The following PKHD1 variants were observed in gnomAD, a reference collection of about 807,000 sequenced individuals.
PKHD1 encodes the protein PKHD1 ciliary IPT domain containing fibrocystin/polyductin, also known as fibrocystin.
Under a neutral mutation model 412.0 loss-of-function variants are expected in PKHD1, and 291 were observed. The observed-to-expected ratio is 0.71, with a 90% CI of 0.64 to 0.78. The LOEUF is 0.78. PKHD1 is among the 30% of genes least tolerant of loss of function. The pLI, the probability that PKHD1 is intolerant of heterozygous loss-of-function variation, is 0.00. For synonymous variants in PKHD1, 1,777 were observed against 1,821.5 expected, an observed-to-expected ratio of 0.98 and a Z score of 0.62; for missense variants, 4,825 against 4,950.7, an observed-to-expected ratio of 0.97 and a Z score of 0.76.
intron 48 of PKHD1, among the ~76,000 whole-genome samples, chr6:51,858,587 A>G (rs1216032401): frequency 6.6e-6 from 1 of 152,138 alleles, no homozygotes; most frequent in African/African-American, 2.4e-5. Flanking sequence ...TCCAGTTTTT[A>G]CTGAGACATA....
intron 60 of PKHD1, among the ~76,000 whole-genome samples, chr6:51,680,417 G>A (rs2150560559): frequency 6.6e-6 from 1 of 152,012 alleles, no homozygotes; most frequent in African/African-American, 2.4e-5. Flanking sequence ...ATCATAAGTG[G>A]CCAAGTAACT....
rs1247376703 is a variant in PKHD1 at position 52,045,038 on chromosome 6, C to G, written c.2643G>C (p.Val881=). The change falls in exon 25 of 67, where the codon GTG becomes GTC. Residue 881 remains valine, a synonymous_variant. Coordinates refer to ENST00000371117, the MANE Select transcript of PKHD1 (RefSeq NM_138694.4). ...TGVNPAAATR[V]VYDGGVFLGP... is the part of the protein sequence containing the mutation. ...CAAGAAAAACTCCACCATCATATAC[C>G]ACACGCGTGGCTGCAGCAGGATTCA... The G allele has an allele frequency of 6.2e-7, 1 of 1,613,274 alleles. No individual in the cohort carries two copies. Among genetic ancestry groups the G allele is most frequent in the Non-Finnish European group, 8.5e-7 (1 of 1,179,284 alleles).
At chr6:51,754,320 A>G (rs1326039861) in intron 56 of PKHD1, among the ~76,000 whole-genome samples, 1 of 152,204 alleles carries the variant, frequency 6.6e-6, no homozygotes, top group Non-Finnish European at 1.5e-5. Context: ...TAGTTAATAC[A>G]TAAAATGTAC....
chr6:51,925,666 C>T (rs551048711), intron 37 of PKHD1, among the ~76,000 whole-genome samples: 2 of 152,252 alleles, frequency 1.3e-5, no homozygotes, highest in East Asian at 3.9e-4. Context: ...AGCATAGGTT[C>T]TTCTTGGATA....
chr6:51,799,976 A>G (rs959382656), intron 52 of PKHD1, among the ~76,000 whole-genome samples: 1 of 152,146 alleles, frequency 6.6e-6, no homozygotes, highest in Non-Finnish European at 1.5e-5. Context: ...TGACCAATCT[A>G]TCCTACTTGA....
chr6:51,927,777 C>T (rs932400016), intron 37 of PKHD1, among the ~76,000 whole-genome samples: 5 of 152,122 alleles, frequency 3.3e-5, no homozygotes, highest in Non-Finnish European at 7.4e-5. Flanking sequence ...AAACATCTTT[C>T]ATGTGGATTT....
chr6:51,670,933 G>T (rs1012420605), intron 60 of PKHD1, among the ~76,000 whole-genome samples: 45 of 151,940 alleles, frequency 3.0e-4, no homozygotes, highest in Admixed American at 2.7e-3. Context: ...AGTCTGATGG[G>T]CTTCCCTTTG....
At chr6:51,763,716 T>C (rs1788434341) in intron 55 of PKHD1, among the ~76,000 whole-genome samples, 1 of 152,030 alleles carries the variant, frequency 6.6e-6, no homozygotes, top group Non-Finnish European at 1.5e-5. Flanking sequence ...ATAGGGTTTA[T>C]CTCCTGCCTT....
intron 60 of PKHD1, among the ~76,000 whole-genome samples, chr6:51,694,706 T>C (rs1185911006): frequency 6.6e-6 from 1 of 151,984 alleles, no homozygotes; most frequent in Non-Finnish European, 1.5e-5. Flanking sequence ...TCCATATAGA[T>C]TTGTAAGTCG....
Position 51,867,914 on chromosome 6 carries a change from T to C in PKHD1, c.7682A>G (p.His2561Arg). 1.2e-6 allele frequency: 2 copies of C among 1,613,422 alleles called. No homozygotes were observed. The highest frequency in any genetic ancestry group is 1.7e-6 in the Non-Finnish European group (2 of 1,179,434). The change falls in exon 48 of 67, where the codon CAT (histidine) becomes CGT (arginine). Residue 2561 changes from histidine to arginine, a missense_variant. His to Arg is a conservative substitution (Grantham distance 29, BLOSUM62 0). Coordinates refer to ENST00000371117, the MANE Select transcript of PKHD1 (RefSeq NM_138694.4). ...LVNSSFGRVV[H>R]GSACGGGVLF... ...AACACCTCCTCCACAGGCACTGCCATGGACAACCCGACCAAAGCTTGAATT... is the reference window on the plus strand; with the variant it reads ...AACACCTCCTCCACAGGCACTGCCACGGACAACCCGACCAAAGCTTGAATT...
Position 52,025,662 on chromosome 6 carries a change from T to A in PKHD1, c.4148A>T (p.Gln1383Leu), listed in dbSNP as rs902337131. 10 of 1,614,072 alleles carry A rather than the reference T, an allele frequency of 6.2e-6. No individual in the cohort carries two copies. Among genetic ancestry groups the A allele is most frequent in the Non-Finnish European group, 2.5e-6 (3 of 1,180,034 alleles). The change falls in exon 32 of 67, where the codon CAG becomes CTG. Residue 1383 changes from glutamine to leucine, a missense_variant. Transcript: ENST00000371117. ...TATCCGAGGCATCACTGCAAATTGCTGGAGCACCACAGACATATTAGCAAA... is the reference window on the plus strand; with the variant it reads ...TATCCGAGGCATCACTGCAAATTGCAGGAGCACCACAGACATATTAGCAAA... ...MGFANMSVVL[Q>L]QFAVMPRIMA...
chr6:52,041,093 T>C (rs1336732718), intron 27 of PKHD1, among the ~76,000 whole-genome samples: 1 of 152,164 alleles, frequency 6.6e-6, no homozygotes, highest in East Asian at 1.9e-4. Context: ...CAAAAATGAA[T>C]GAAGAAAGTA....
chr6:52,070,368 G>A, intron 10 of PKHD1, 38 bp downstream of exon 10: 2 of 1,276,426 alleles, frequency 1.6e-6, no homozygotes, highest in Non-Finnish European at 2.3e-6. Flanking sequence ...AATATAAAAT[G>A]AAGACAAATT....
Position 52,028,044 on chromosome 6 carries a change from T to C in PKHD1, c.3560+112A>G. 2.4e-6 allele frequency: 3 copies of C among 1,256,590 alleles called. No individual in the cohort carries two copies. In the South Asian group the frequency reaches 3.6e-5, roughly 15 times the overall value. The allele number at this position is 1,256,590 out of a possible 1,614,324, so 77.8% of individuals were successfully genotyped here. On this transcript the variant is annotated intron_variant, in intron 30 of 66. Coordinates refer to ENST00000371117, the MANE Select transcript of PKHD1 (RefSeq NM_138694.4). Reference sequence around the variant, plus strand: ...TTCCAATGTTATGATGTTCATGTCTTTAACCTCTAACTTCCAAGGGAAAAA... The same window carrying C: ...TTCCAATGTTATGATGTTCATGTCTCTAACCTCTAACTTCCAAGGGAAAAA...
At chr6:52,086,117 ATGTGTGTG>A (rs1185806591) in intron 1 of PKHD1, among the ~76,000 whole-genome samples, 1 of 146,532 alleles carries the variant, frequency 6.8e-6, no homozygotes, top group African/African-American at 2.5e-5. Flanking sequence ...GTGTGTGTGT[ATGTGTGTG>A]TGTGTGGCAG....
intron 39 of PKHD1, among the ~76,000 whole-genome samples, chr6:51,910,929 A>C (rs1016818827): frequency 3.3e-5 from 5 of 152,040 alleles, no homozygotes; most frequent in Non-Finnish European, 5.9e-5. Context: ...GACACAACTC[A>C]AATCTTTAAC....
rs1765982449 is a variant in PKHD1, at chr6:51,615,385, C to A, written c.*3696G>T. On this transcript the variant is annotated 3_prime_UTR_variant, in exon 67 of 67. Coordinates refer to ENST00000371117, the MANE Select transcript of PKHD1 (RefSeq NM_138694.4). ...TGTTTTATTTCTTTTTGAAAATTAC[C>A]TTGTAGAAATGTGACTTTTCTATCA... 1 of 152,038 alleles carries A rather than the reference C, an allele frequency of 6.6e-6. No homozygotes were observed. Among genetic ancestry groups the A allele is most frequent in the Non-Finnish European group, 1.5e-5 (1 of 67,976 alleles). The allele number at this position is 152,038 out of a possible 1,614,324, so 9.4% of individuals were successfully genotyped here.
In PKHD1 at chr6:52,017,640, C is replaced by T; in HGVS notation, c.5381-11G>A. The T allele has an allele frequency of 1.9e-6, 3 of 1,606,154 alleles. No homozygotes were observed. The highest frequency in any genetic ancestry group is 2.6e-6 in the Non-Finnish European group (3 of 1,173,738). ...GGAAGGCCAAGGACACTGCAGGAAACAGTCACCATTAGGAAAGAACCACAG... is the reference window on the plus strand; with the variant it reads ...GGAAGGCCAAGGACACTGCAGGAAATAGTCACCATTAGGAAAGAACCACAG... On this transcript the variant is annotated splice_polypyrimidine_tract_variant and intron_variant, in intron 33 of 66. Transcript: ENST00000371117.
Position 51,619,106 on chromosome 6 carries a change from G to A in PKHD1, c.12200C>T (p.Pro4067Leu), listed in dbSNP as rs758871283. 1.5e-5 allele frequency: 25 copies of A among 1,614,178 alleles called. No homozygotes were observed. Among genetic ancestry groups the A allele is most frequent in the Admixed American group, 6.7e-5 (4 of 60,030 alleles). The change falls in exon 67 of 67, where the codon CCG becomes CTG. Residue 4067 changes from proline to leucine, a missense_variant. By Grantham distance (98) the Pro-to-Leu change is moderately conservative. Transcript: ENST00000371117. ...TCACAGTTGCTCCTGAATAGTTTCC[G>A]GGTGTACTGAATGAAGGCAGAATGC... ...TEAFCLHSVH[P>L]ETIQEQL
Sources: allele counts gnomAD v4.1 joint callset (sites outside exome capture counted in the v4.1 genomes callset), GRCh38; gene constraint gnomAD v4.1.1; transcripts MANE v1.5; gene names NCBI Gene and HGNC (gene_info 2026-07-23, HGNC 2026-07-21).